Variants in CPA6 observed in about 807,000 individuals in gnomAD.
CPA6 encodes the protein carboxypeptidase A6.
A neutral mutation model predicts 63.3 loss-of-function variants in CPA6; 58 were observed. The observed-to-expected ratio is 0.92, with a 90% CI of 0.74 to 1.14. CPA6 has a LOEUF of 1.14. Ranked by LOEUF, CPA6 falls within the 50% of genes most tolerant of loss-of-function variation. The pLI is 0.00. For missense variants in CPA6, 565 were observed against 526.6 expected, an observed-to-expected ratio of 1.07 and a Z score of -0.71; for synonymous variants, 185 against 179.0, an observed-to-expected ratio of 1.03 and a Z score of -0.27.
chr8:67,524,583 T>A (rs1344775342), intron 2 of CPA6, among the ~76,000 whole-genome samples: 1 of 151,788 alleles, frequency 6.6e-6, no homozygotes, highest in Non-Finnish European at 1.5e-5. Context: ...GATGACCTCA[T>A]CTCCAGATTC....
At chr8:67,732,116 TAAATA>T (rs1448328995) in intron 1 of CPA6, among the ~76,000 whole-genome samples, 3 of 152,178 alleles carry the variant, frequency 2.0e-5, no homozygotes, top group African/African-American at 7.2e-5. Context: ...AGAGCCTATA[TAAATA>T]AAATATCTGA....
At chr8:67,551,723 C>T (rs1587550577) in intron 2 of CPA6, among the ~76,000 whole-genome samples, 4 of 152,100 alleles carry the variant, frequency 2.6e-5, no homozygotes, top group Admixed American at 1.3e-4. Flanking sequence ...GTTCCTCTTG[C>T]ACAGAACTTT....
At chr8:67,704,984 A>G (rs1817102364) in intron 1 of CPA6, among the ~76,000 whole-genome samples, 1 of 152,190 alleles carries the variant, frequency 6.6e-6, no homozygotes, top group Non-Finnish European at 1.5e-5. Flanking sequence ...AGGTGAGAGT[A>G]GAATAAGGAG....
chr8:67,551,860 T>C (rs948191446), intron 2 of CPA6, among the ~76,000 whole-genome samples: 1 of 152,204 alleles, frequency 6.6e-6, no homozygotes, highest in African/African-American at 2.4e-5. Flanking sequence ...ATTCTTTTTA[T>C]GTATGATATG....
intron 8 of CPA6, among the ~76,000 whole-genome samples, chr8:67,438,709 T>TG (rs970574887): frequency 1.1e-4 from 17 of 151,646 alleles, no homozygotes; most frequent in East Asian, 3.9e-4. Context: ...ATATCCAAAG[T>TG]GGGGGGGCGA....
At chr8:67,720,749 T>A (rs1049044566) in intron 1 of CPA6, among the ~76,000 whole-genome samples, 2 of 152,234 alleles carry the variant, frequency 1.3e-5, no homozygotes, top group Non-Finnish European at 2.9e-5. Flanking sequence ...CCTTGAAACA[T>A]GGCTCACTTT....
chr8:67,706,503 A>AT (rs1052824908), intron 1 of CPA6, among the ~76,000 whole-genome samples: 23 of 150,110 alleles, frequency 1.5e-4, no homozygotes, highest in East Asian at 3.9e-4. Context: ...GGGAATGTGG[A>AT]TTTTTTTTTT....
chr8:67,624,599 A>G (rs1315815035), intron 1 of CPA6, among the ~76,000 whole-genome samples: 1 of 152,264 alleles, frequency 6.6e-6, no homozygotes, highest in Non-Finnish European at 1.5e-5. Flanking sequence ...ATGACAGAAG[A>G]AAGAAAAGTC....
intron 9 of CPA6, 84 bp from the exon 10 acceptor site, chr8:67,428,215 C>A: frequency 2.7e-6 from 2 of 735,014 alleles, no homozygotes; most frequent in South Asian, 1.6e-5. Flanking sequence ...CCTCATCGAT[C>A]ATCACCAGAT....
rs1421537714 is a variant in CPA6 at position 67,619,290 on chromosome 8, G to A, written c.192+4886C>T. ...GATGTAGGTTGTTAGTTCACTGTGT[G>A]TGTGGGTTTTCTCCTCCTGCAGAAT... On this transcript the variant is annotated intron_variant, in intron 2 of 10. Transcript: ENST00000297770. 3.3e-5 allele frequency among the ~76,000 whole-genome samples: 5 copies of A among 152,188 alleles called. No individual in the cohort carries two copies. The East Asian group carries it at 9.6e-4, about 29-fold the overall frequency.
intron 1 of CPA6, among the ~76,000 whole-genome samples, chr8:67,681,264 C>T (rs28758612): frequency 0.086 from 11,526 of 133,526 alleles, 990 homozygotes; most frequent in African/African-American, 0.23. Flanking sequence ...CTGCGGACTG[C>T]AGTGGCGCAA....
chr8:67,440,034 A>C (rs971209829), intron 8 of CPA6, among the ~76,000 whole-genome samples: 18 of 152,190 alleles, frequency 1.2e-4, no homozygotes, highest in Non-Finnish European at 2.4e-4. Flanking sequence ...TATTTGTATT[A>C]GTTTCCTAAG....
At chr8:67,470,293 G>C (rs1384201025) in intron 8 of CPA6, among the ~76,000 whole-genome samples, 1 of 152,052 alleles carries the variant, frequency 6.6e-6, no homozygotes, top group East Asian at 1.9e-4. Flanking sequence ...GCCTCCCGAA[G>C]TGCTGGGATT....
chr8:67,517,796 T>A (rs1563983608), intron 3 of CPA6, 127 bp downstream of exon 3: 2 of 974,984 alleles, frequency 2.1e-6, no homozygotes, highest in Non-Finnish European at 3.0e-6. Context: ...TTCATGTCAG[T>A]TTTCCCCATA....
At chr8:67,631,797 A>G (rs1815338402) in intron 1 of CPA6, among the ~76,000 whole-genome samples, 1 of 152,194 alleles carries the variant, frequency 6.6e-6, no homozygotes, top group Admixed American at 6.5e-5. Flanking sequence ...TCCTGTGGCC[A>G]GCGAGATCAT....
chr8:67,692,475 AC>A (rs1816833785), intron 1 of CPA6, among the ~76,000 whole-genome samples: 1 of 152,110 alleles, frequency 6.6e-6, no homozygotes, highest in South Asian at 2.1e-4. Context: ...AATACATTTC[AC>A]CACTCTGCTA....
chr8:67,616,113 C>T (rs1254576953), intron 2 of CPA6, among the ~76,000 whole-genome samples: 1 of 152,138 alleles, frequency 6.6e-6, no homozygotes, highest in Admixed American at 6.5e-5. Context: ...CCATAATCCC[C>T]TAGGGAGCTT....
intron 8 of CPA6, among the ~76,000 whole-genome samples, chr8:67,472,402 T>TTTATC (rs747214235): frequency 1.7e-4 from 18 of 108,700 alleles, no homozygotes; most frequent in Non-Finnish European, 2.6e-4. Flanking sequence ...TTTATTTTAT[T>TTTATC]TTATCTTATC....
At chr8:67,744,117 T>C (rs1037500539) in intron 1 of CPA6, among the ~76,000 whole-genome samples, 1 of 152,238 alleles carries the variant, frequency 6.6e-6, no homozygotes, top group African/African-American at 2.4e-5. Context: ...TCTTTTGCGA[T>C]GAGAAAATGA....
Sources: allele counts gnomAD v4.1 joint callset (sites outside exome capture counted in the v4.1 genomes callset), GRCh38; gene constraint gnomAD v4.1.1; transcripts MANE v1.5; gene names NCBI Gene and HGNC (gene_info 2026-07-23, HGNC 2026-07-21).